Variants in KRIT1 observed in about 807,000 individuals in gnomAD.
The protein encoded by KRIT1 is KRIT1 ankyrin repeat containing.
KRIT1 carries 45 observed loss-of-function variants against 95.8 expected under a neutral mutation model. That is an observed-to-expected ratio of 0.47 (90% confidence interval 0.37 to 0.60). The LOEUF is 0.60. Ranked by LOEUF, KRIT1 falls within the 20% of genes least tolerant of loss-of-function variation. The pLI is 0.00. For synonymous variants in KRIT1, 282 were observed against 278.8 expected, an observed-to-expected ratio of 1.01 and a Z score of -0.11; for missense variants, 788 against 877.5, an observed-to-expected ratio of 0.90 and a Z score of 1.29.
Position 92,239,240 on chromosome 7 carries a change from T to C in KRIT1, c.263-1481A>G, listed in dbSNP as rs181006768. Reference sequence around the variant, plus strand: ...TCCTCCTAAGGGAAAGTACCCAGCCTTCTGGACCAGGGGAAGTTTTTTGTT... The same window carrying C: ...TCCTCCTAAGGGAAAGTACCCAGCCCTCTGGACCAGGGGAAGTTTTTTGTT... On this transcript the variant is annotated intron_variant, in intron 5 of 18. Coordinates refer to ENST00000394505, the MANE Select transcript of KRIT1 (RefSeq NM_194454.3). Among the ~76,000 whole-genome samples the C allele has an allele frequency of 2.5e-3, 384 of 152,332 alleles. 4 individuals are homozygous for C. Among genetic ancestry groups the C allele is most frequent in the African/African-American group, 8.6e-3 (356 of 41,572 alleles).
chr7:92,205,615 A>C (rs1169234061), intron 17 of KRIT1: 1 of 151,888 alleles, frequency 6.6e-6, no homozygotes, highest in Non-Finnish European at 1.5e-5. Context: ...TCATGCTTGT[A>C]ATCCCAGCTA....
At chr7:92,199,300 T>C (rs1468242534), downstream of KRIT1, 1 of 152,240 alleles carries the variant, frequency 6.6e-6, no homozygotes, top group African/African-American at 2.4e-5. Flanking sequence ...TTAATTTTAA[T>C]AAGGCCTACA....
chr7:92,202,132 TC>T (rs1189614716), intron 17 of KRIT1: 1 of 152,228 alleles, frequency 6.6e-6, no homozygotes, highest in Admixed American at 6.5e-5. Context: ...CATGTTTACT[TC>T]AACAATCTCA....
intron 12 of KRIT1, among the ~76,000 whole-genome samples, chr7:92,224,511 T>G (rs1031082693): frequency 1.3e-5 from 2 of 152,096 alleles, no homozygotes; most frequent in African/African-American, 2.4e-5. Context: ...TTTATAATCA[T>G]TATAACTCTT....
chr7:92,235,148 C>T (rs1310133154), intron 8 of KRIT1, among the ~76,000 whole-genome samples: 2 of 152,056 alleles, frequency 1.3e-5, no homozygotes, highest in African/African-American at 4.8e-5. Context: ...TACAGGGGTA[C>T]GCCACCACAT....
Position 92,215,761 on chromosome 7 carries a change from C to CT in KRIT1, c.1564-985dup, listed in dbSNP as rs79274180. Among the ~76,000 whole-genome samples, 469 of 141,064 alleles carry CT rather than the reference C, an allele frequency of 3.3e-3. 3 individuals are homozygous for CT. Among genetic ancestry groups the CT allele is most frequent in the African/African-American group, 8.5e-3 (328 of 38,542 alleles). The allele number at this position is 141,064 out of a possible 152,430, so 92.5% of individuals were successfully genotyped here. A position where few individuals can be genotyped will look rare whatever the true frequency, so the allele number is the denominator to read the frequency against. On this transcript the variant is annotated intron_variant, in intron 14 of 18. Coordinates refer to ENST00000394505, the MANE Select transcript of KRIT1 (RefSeq NM_194454.3). ...GTTAGCCACTGCACCTGGCCTAGAT[C>CT]TTTTTTTTTTTTTTTAAAACTATAA...
At chr7:92,222,258 TTC>T (rs1487956779) in intron 13 of KRIT1, among the ~76,000 whole-genome samples, 2 of 152,132 alleles carry the variant, frequency 1.3e-5, no homozygotes, top group African/African-American at 4.8e-5. Flanking sequence ...TTAAAAATAA[TTC>T]TTACATAAAA....
intron 16 of KRIT1, 103 bp from the exon 17 acceptor site, chr7:92,213,504 G>T: frequency 2.7e-6 from 2 of 740,080 alleles, no homozygotes; most frequent in Non-Finnish European, 2.3e-6. Context: ...AATCAAGATT[G>T]CCCCTAAAGA....
intron 5 of KRIT1, 122 bp from the exon 6 acceptor site, chr7:92,237,881 A>T (rs1798760526): frequency 1.6e-6 from 1 of 635,142 alleles, no homozygotes; most frequent in Non-Finnish European, 2.8e-6. Flanking sequence ...AAATATACTA[A>T]GTCAATTTTA....
At chr7:92,229,298 T>G (rs1317142948) in intron 10 of KRIT1, among the ~76,000 whole-genome samples, 1 of 152,174 alleles carries the variant, frequency 6.6e-6, no homozygotes. Flanking sequence ...TGGTGTGAGA[T>G]GGTACTTAAA....
chr7:92,203,263 T>A (rs1271845900), intron 17 of KRIT1, among the ~76,000 whole-genome samples: 1 of 152,246 alleles, frequency 6.6e-6, no homozygotes, highest in Non-Finnish European at 1.5e-5. Context: ...GCTAAGCTTG[T>A]TGAATGCAAT....
At chr7:92,199,399 C>A (rs1789742264), downstream of KRIT1, 1 of 152,166 alleles carries the variant, frequency 6.6e-6, no homozygotes, top group African/African-American at 2.4e-5. Context: ...TTAAATATGA[C>A]TATATCTCTG....
chr7:92,233,511 A>G (rs2131628075), intron 10 of KRIT1, among the ~76,000 whole-genome samples: 1 of 150,134 alleles, frequency 6.7e-6, no homozygotes, highest in Non-Finnish European at 1.5e-5. Context: ...GGTTCAAGCT[A>G]TTCTCCTGCC....
Position 92,222,883 on chromosome 7 carries a change from T to C in KRIT1, c.1350A>G (p.Gly450=). Residue 450 remains glycine, a synonymous_variant, in exon 13 of 19, where the codon GGA becomes GGG. Coordinates refer to ENST00000394505, the MANE Select transcript of KRIT1 (RefSeq NM_194454.3). ...GCTGAGTTTCTTGAGAGAGACGCAT[T>C]CCTTCCATTATCTGCTGCACTGTGG... ...NNTTVQQIME[G]MRLSQETQQY... 6.2e-7 allele frequency: 1 copy of C among 1,607,464 alleles called. No individual in the cohort carries two copies. The highest frequency in any genetic ancestry group is 2.2e-5 in the East Asian group (1 of 44,804).
At position 92,212,801 on chromosome 7, in the gene KRIT1, T is replaced by A. The variant is rs1038901165; in HGVS notation, c.2025+394A>T. On this transcript the variant is annotated intron_variant, in intron 17 of 18. Coordinates refer to ENST00000394505, the MANE Select transcript of KRIT1 (RefSeq NM_194454.3). ...TTTTATTCCTAGTTACCTGGTTCCC[T>A]TCTCTAAAGGCTTCAAGAAATATTT... 2.0e-5 allele frequency among the ~76,000 whole-genome samples: 3 copies of A among 152,324 alleles called. No individual in the cohort carries two copies. In the East Asian group the frequency reaches 5.8e-4, roughly 29 times the overall value.
chr7:92,235,509 A>C lies in KRIT1; in HGVS notation c.623T>G (p.Met208Arg). 3 of 1,613,792 alleles carry C rather than the reference A, an allele frequency of 1.9e-6. No homozygotes were observed. The highest frequency in any genetic ancestry group is 2.5e-6 in the Non-Finnish European group (3 of 1,179,726). ...CTTTATTTCTAGTGCACTATAGCCC[A>C]TATGTAGTGAGTTTTCTGTCTGACC... ...ESGQTENSLH[M>R]GYSALEIKSK... Residue 208 changes from methionine (M) to arginine (R), a missense_variant, in exon 8 of 19, where the codon ATG (methionine) becomes AGG (arginine). Met to Arg is a moderately conservative substitution (Grantham distance 91, BLOSUM62 -1). Transcript: ENST00000394505.
At chr7:92,208,228 T>C (rs1791997017) in intron 17 of KRIT1, among the ~76,000 whole-genome samples, 1 of 152,054 alleles carries the variant, frequency 6.6e-6, no homozygotes, top group African/African-American at 2.4e-5. Context: ...GAAAGTTTAC[T>C]GCAATAACAT....
Position 92,200,763 on chromosome 7 carries a change from C to CT in KRIT1, c.2183dup (p.Leu729ValfsTer5), listed in dbSNP as rs769680726. ...ATGAATTTCTTTCAGTGGGCATTAA[C>CT]TGTCCATTTAGCTTCATTAACAGTT... On this transcript the variant is annotated frameshift_variant, in exon 19 of 19. Transcript: ENST00000394505. LOFTEE classifies it high-confidence loss of function. The CT allele has an allele frequency of 1.2e-5, 20 of 1,608,572 alleles. No homozygotes were observed. The highest frequency in any genetic ancestry group is 1.7e-5 in the Non-Finnish European group (20 of 1,175,004).
chr7:92,206,278 T>C (rs780959284), intron 17 of KRIT1: 2 of 152,498 alleles, frequency 1.3e-5, no homozygotes, highest in Non-Finnish European at 2.9e-5. Flanking sequence ...TAAGTACTGT[T>C]ATGCTCTGCC....
Sources: gnomAD v4.1 joint callset for allele counts (sites outside exome capture counted in the v4.1 genomes callset) on GRCh38, gnomAD v4.1.1 for gene constraint, MANE v1.5 for transcripts, NCBI Gene and HGNC (gene_info 2026-07-23, HGNC 2026-07-21) for gene names.